The following ASPG variants were observed in gnomAD, a reference collection of about 807,000 sequenced individuals.
ASPG encodes asparaginase.
Under a neutral mutation model 63.2 loss-of-function variants are expected in ASPG, and 53 were observed. The ratio of observed to expected loss-of-function variants is 0.84; its 90% CI spans 0.67 to 1.05. The LOEUF is 1.05. Ranked by LOEUF, ASPG falls within the 50% of genes least tolerant of loss-of-function variation. The pLI is 0.00. For synonymous variants in ASPG, 370 were observed against 355.0 expected, an observed-to-expected ratio of 1.04 and a Z score of -0.48; for missense variants, 741 against 794.4, an observed-to-expected ratio of 0.93 and a Z score of 0.81.
chr14:104,088,467 C>T (rs2036278633), intron 1 of ASPG, among the ~76,000 whole-genome samples: 1 of 152,222 alleles, frequency 6.6e-6, no homozygotes, highest in African/African-American at 2.4e-5. Flanking sequence ...ACGTTCTGTA[C>T]ACCCGAGAAA....
Position 104,110,940 on chromosome 14 carries a change from AC to A in ASPG, c.1521-555del, listed in dbSNP as rs1241523128. 7.1e-6 allele frequency: 7 copies of A among 984,522 alleles called. No individual in the cohort carries two copies. In the African/African-American group the frequency reaches 8.8e-5, roughly 12 times the overall value. 61.0% of individuals were successfully genotyped at this position (984,522 alleles called of 1,614,324 possible). On this transcript the variant is annotated intron_variant, in intron 13 of 15. Coordinates refer to ENST00000551177, the MANE Select transcript of ASPG (RefSeq NM_001080464.3). The surrounding 1 kb of genome is among the most constrained non-coding windows in gnomAD (Gnocchi z 4.7). Reference sequence around the variant, plus strand: ...GGCCCAGACCCCTGTCCCAGCCAGGACCCCCCCATGCAGTCTGCCGGGGTCC... The same window carrying A: ...GGCCCAGACCCCTGTCCCAGCCAGGACCCCCCATGCAGTCTGCCGGGGTCC...
intron 12 of ASPG, among the ~76,000 whole-genome samples, chr14:104,107,720 G>A (rs536951552): frequency 1.3e-5 from 2 of 152,354 alleles, no homozygotes; most frequent in African/African-American, 2.4e-5. Flanking sequence ...CAGCCTGTGC[G>A]TGTGGGGGTC....
At chr14:104,088,842 T>G (rs2036289309) in intron 1 of ASPG, among the ~76,000 whole-genome samples, 1 of 151,516 alleles carries the variant, frequency 6.6e-6, no homozygotes, top group Non-Finnish European at 1.5e-5. Flanking sequence ...GGCTGAGGAG[T>G]TTCCAAGTCA....
chr14:104,094,921 C>G (rs2036529299), intron 3 of ASPG, among the ~76,000 whole-genome samples: 1 of 152,198 alleles, frequency 6.6e-6, no homozygotes, highest in Non-Finnish European at 1.5e-5. Flanking sequence ...CAGGCCCAGG[C>G]TTCGTATGGA....
At chr14:104,099,718 A>G (rs1462194537) in intron 6 of ASPG, among the ~76,000 whole-genome samples, 1 of 152,154 alleles carries the variant, frequency 6.6e-6, no homozygotes, top group East Asian at 1.9e-4. Flanking sequence ...AGGCAGCGGG[A>G]GCATCCCCTC....
At chr14:104,093,435 G>C (rs751254557) in intron 2 of ASPG, 56 bp from the exon 3 acceptor site, 1 of 1,457,322 alleles carries the variant, frequency 6.9e-7, no homozygotes, top group Non-Finnish European at 9.6e-7. Context: ...TTTAGAGCAG[G>C]AGGAGGTGCA....
Position 104,106,907 on chromosome 14 carries a change from C to G in ASPG, c.1269+13C>G, listed in dbSNP as rs140487877. On this transcript the variant is annotated intron_variant, in intron 11 of 15. Transcript: ENST00000551177. ...GCTTGTGGAGCTGGTGAGCCTCCCC[C>G]ACCCTGGGGGCCCAGCCCCAGCCAC... is the stretch of plus-strand genomic sequence containing the variant. 2.1e-4 allele frequency: 321 copies of G among 1,561,232 alleles called. 1 individual carries two copies. Among genetic ancestry groups the G allele is most frequent in the Admixed American group, 1.1e-3 (60 of 53,658 alleles).
At chr14:104,095,688 AG>A (rs1241660428) in intron 4 of ASPG, 32 bp downstream of exon 4, 1 of 1,610,952 alleles carries the variant, frequency 6.2e-7, no homozygotes. Flanking sequence ...TCCTAGGAAC[AG>A]GGGCTTCCTG....
rs147754730 is a variant in ASPG at position 104,094,487 on chromosome 14, C to T, written c.303+885C>T. ...ATCAGCTTTTCTTCTCCCTTCTCCC[C>T]CATCACAACACGCTCCCATGTTACC... On this transcript the variant is annotated intron_variant, in intron 3 of 15. Coordinates refer to ENST00000551177, the MANE Select transcript of ASPG (RefSeq NM_001080464.3). Among the ~76,000 whole-genome samples, 350 of 152,172 alleles carry T rather than the reference C, an allele frequency of 2.3e-3. 2 individuals are homozygous for T. The highest frequency in any genetic ancestry group is 8.3e-3 in the African/African-American group (343 of 41,496).
chr14:104,094,374 T>G (rs530797317), intron 3 of ASPG, among the ~76,000 whole-genome samples: 2 of 151,676 alleles, frequency 1.3e-5, no homozygotes, highest in East Asian at 1.9e-4. Context: ...TTGGTTGGAG[T>G]CTTAGTGGAC....
chr14:104,109,111 C>G lies in ASPG; in HGVS notation c.1434-118C>G, dbSNP rs1163332267. The stretch of plus-strand genomic sequence containing the variant: ...TTGTCTGAGGCTAGGGCTGTGGGGT[C>G]TTGGGCCGGCCGGTCCCCGTCCCTG... On this transcript the variant is annotated intron_variant, in intron 12 of 15. Coordinates refer to ENST00000551177, the MANE Select transcript of ASPG (RefSeq NM_001080464.3). This position sits in a 1 kb window ranked among gnomAD's most constrained non-coding sequence, Gnocchi z 4.8. The G allele has an allele frequency of 1.3e-6, 2 of 1,516,318 alleles. No homozygotes were observed. The highest frequency in any genetic ancestry group is 2.0e-5 in the Admixed American group (1 of 49,836). The allele number at this position is 1,516,318 out of a possible 1,614,324, so 93.9% of individuals were successfully genotyped here.
chr14:104,110,561 T>C lies in ASPG; in HGVS notation c.1521-941T>C. 1 of 985,230 alleles carries C rather than the reference T, an allele frequency of 1.0e-6. No homozygotes were observed. Among genetic ancestry groups the C allele is most frequent in the Non-Finnish European group, 1.2e-6 (1 of 829,794 alleles). 61.0% of individuals were successfully genotyped at this position (985,230 alleles called of 1,614,324 possible). A position where few individuals can be genotyped will look rare whatever the true frequency, so the allele number is the denominator to read the frequency against. On this transcript the variant is annotated intron_variant, in intron 13 of 15. Transcript: ENST00000551177. This position sits in a 1 kb window ranked among gnomAD's most constrained non-coding sequence, Gnocchi z 4.7. ...CTTGAGCCCCTCGGCTAGGCCTTCC[T>C]AGGGGCCGGTGTGTGTGTGGGGCTT... is the stretch of plus-strand genomic sequence containing the variant.
Position 104,107,078 on chromosome 14 carries a change from G to A in ASPG, c.1270-104G>A. Reference sequence around the variant, plus strand: ...ACTGAGGCTTTGAGGGTGGGCGCAGGGGCTGTGCTGGGCCCTACCCTCAGA... The same window carrying A: ...ACTGAGGCTTTGAGGGTGGGCGCAGAGGCTGTGCTGGGCCCTACCCTCAGA... On this transcript the variant is annotated intron_variant, in intron 11 of 15. Transcript: ENST00000551177. The A allele has an allele frequency of 2.1e-6, 3 of 1,422,286 alleles. No individual in the cohort carries two copies. The South Asian group carries it at 4.2e-5, about 20-fold the overall frequency. The allele number at this position is 1,422,286 out of a possible 1,614,324, so 88.1% of individuals were successfully genotyped here.
At chr14:104,089,614 T>G (rs908949658) in intron 1 of ASPG, among the ~76,000 whole-genome samples, 5 of 151,880 alleles carry the variant, frequency 3.3e-5, no homozygotes, top group Admixed American at 2.0e-4. Flanking sequence ...AGCCCCAGAG[T>G]TGGAAAGTGG....
chr14:104,092,630 CAG>C lies in ASPG; in HGVS notation c.83-2_83-1del. On this transcript the variant is annotated splice_acceptor_variant, in intron 1 of 15. Coordinates refer to ENST00000551177, the MANE Select transcript of ASPG (RefSeq NM_001080464.3). LOFTEE classifies it high-confidence loss of function. The stretch of plus-strand genomic sequence containing the variant: ...CCAGCATCCACCTGGACTCTGCCTG[CAG>C]TGCTTGTGCCCGGGACGGGCCTGGC... The C allele has an allele frequency of 6.5e-7, 1 of 1,534,690 alleles. No homozygotes were observed. Among genetic ancestry groups the C allele is most frequent in the Non-Finnish European group, 8.7e-7 (1 of 1,146,546 alleles).
intron 7 of ASPG, 145 bp from the exon 8 acceptor site, chr14:104,104,159 C>T: frequency 1.1e-6 from 1 of 928,906 alleles, no homozygotes; most frequent in Admixed American, 2.9e-5. Context: ...TGCACGTCTG[C>T]CAGGAGCCCC....
In ASPG at chr14:104,112,679, G is replaced by A; in HGVS notation, c.*135G>A. ...AAAGCCTGAAGGCCTTTGTTGGGCA[G>A]GACGGCAATAAAGTCTCTGACATCC... is the stretch of plus-strand genomic sequence containing the variant. On this transcript the variant is annotated 3_prime_UTR_variant, in exon 16 of 16. Transcript: ENST00000551177. The A allele has an allele frequency of 6.5e-7, 1 of 1,531,684 alleles. No homozygotes were observed. The allele number at this position is 1,531,684 out of a possible 1,614,324, so 94.9% of individuals were successfully genotyped here.
At position 104,092,739 on chromosome 14, in the gene ASPG, A is replaced by C; in HGVS notation, c.189A>C (p.Leu63=). The change falls in exon 2 of 16, where the codon CTA becomes CTC. Residue 63 remains leucine (L), a splice_region_variant and synonymous_variant. Transcript: ENST00000551177. ...ARGLSEDTLV[L]PPASRNQRIL... ...GCCTCTCTGAGGACACCCTGGTGCTACCGTGAGTGTGGGCTCCTCCCAGTC... is the reference window on the plus strand; with the variant it reads ...GCCTCTCTGAGGACACCCTGGTGCTCCCGTGAGTGTGGGCTCCTCCCAGTC... 1.3e-6 allele frequency: 2 copies of C among 1,535,436 alleles called. No individual in the cohort carries two copies. The highest frequency in any genetic ancestry group is 1.7e-6 in the Non-Finnish European group (2 of 1,146,406).
Position 104,091,174 on chromosome 14 carries a change from G to A in ASPG, c.83-1459G>A, listed in dbSNP as rs767686048. Among the ~76,000 whole-genome samples the A allele has an allele frequency of 6.9e-4, 105 of 151,684 alleles. No individual in the cohort carries two copies. The highest frequency in any genetic ancestry group is 6.8e-3 in the Middle Eastern group (2 of 294). ...GGCACTGCGCCCGGCCCTGGGATGC[G>A]GACATCTAGGATGCTTTTTCAACCC... On this transcript the variant is annotated intron_variant, in intron 1 of 15. Transcript: ENST00000551177. This position sits in a 1 kb window ranked among gnomAD's most constrained non-coding sequence, Gnocchi z 6.4.
Sources: gnomAD v4.1 joint callset for allele counts (sites outside exome capture counted in the v4.1 genomes callset) on GRCh38, gnomAD v4.1.1 for gene constraint, Gnocchi (gnomAD v3.1) non-coding constraint, MANE v1.5 for transcripts, NCBI Gene and HGNC (gene_info 2026-07-23, HGNC 2026-07-21) for gene names.